The following SEC31A variants were observed in gnomAD, a reference collection of about 807,000 sequenced individuals.
The protein encoded by SEC31A is SEC31 homolog A, COPII component.
SEC31A carries 70 observed loss-of-function variants against 151.0 expected under a neutral mutation model. The ratio of observed to expected loss-of-function variants is 0.46; its 90% CI spans 0.38 to 0.57. SEC31A has a LOEUF of 0.57. SEC31A is among the 20% of genes least tolerant of loss of function. SEC31A has a pLI of 0.00. For synonymous variants in SEC31A, 475 were observed against 505.9 expected (o/e 0.94, Z 0.82); for missense variants, 1,330 against 1,471.2 (o/e 0.90, Z 1.57).
At chr4:82,867,449 GA>G in intron 8 of SEC31A, 133 bp from the exon 9 acceptor site, 1 of 728,768 alleles carries the variant, frequency 1.4e-6, no homozygotes, top group Non-Finnish European at 2.2e-6. Context: ...CTTTAGCCAG[GA>G]AAAAGAATAC....
chr4:82,837,692 A>T (rs147215484), intron 22 of SEC31A, among the ~76,000 whole-genome samples: 39 of 152,326 alleles, frequency 2.6e-4, no homozygotes, highest in African/African-American at 8.9e-4. Flanking sequence ...AATACTATGG[A>T]GTCCTATCCA....
At chr4:82,875,629 A>G (rs912557210) in intron 5 of SEC31A, 98 bp downstream of exon 5, 3 of 678,514 alleles carry the variant, frequency 4.4e-6, no homozygotes, top group Admixed American at 5.8e-5. Flanking sequence ...TTAAACATAT[A>G]TGTTTTGTGT....
At chr4:82,870,896 C>T (rs1349458564) in intron 7 of SEC31A, among the ~76,000 whole-genome samples, 1 of 152,034 alleles carries the variant, frequency 6.6e-6, no homozygotes, top group East Asian at 1.9e-4. Context: ...TACAGACCAC[C>T]CTTCCATGAG....
intron 7 of SEC31A, 60 bp from the exon 8 acceptor site, chr4:82,870,484 A>G (rs1350383024): frequency 1.5e-6 from 2 of 1,307,582 alleles, no homozygotes; most frequent in Non-Finnish European, 2.2e-6. Context: ...AATCTCAACT[A>G]TTTCTGCCTA....
At chr4:82,896,821 A>T (rs1388995486) in intron 3 of SEC31A, among the ~76,000 whole-genome samples, 3 of 152,212 alleles carry the variant, frequency 2.0e-5, no homozygotes, top group Non-Finnish European at 4.4e-5. Flanking sequence ...GGATGGAGTA[A>T]AGGTACAGAT....
intron 3 of SEC31A, chr4:82,898,175 A>G (rs1347703973): frequency 2.0e-5 from 3 of 152,236 alleles, no homozygotes; most frequent in Non-Finnish European, 4.4e-5. Context: ...AATAATCACA[A>G]CGGTTCATTA....
rs1051911090 is a variant in SEC31A, at chr4:82,842,666, T to C, written c.2627-185A>G. On this transcript the variant is annotated intron_variant, in intron 21 of 26. Transcript: ENST00000395310. ...ATGCCCCAAATACACTTGAATTCAA[T>C]AGCTTCAGTATTTGAAAAATGCCAT... The C allele has an allele frequency of 1.6e-4, 84 of 528,118 alleles. 1 individual carries two copies. The South Asian group carries it at 1.9e-3, about 12-fold the overall frequency. 32.7% of individuals were successfully genotyped at this position (528,118 alleles called of 1,614,324 possible). A position where few individuals can be genotyped will look rare whatever the true frequency, so the allele number is the denominator to read the frequency against.
At chr4:82,853,502 T>C (rs1393310041) in intron 18 of SEC31A, 68 bp downstream of exon 18, 1 of 1,306,998 alleles carries the variant, frequency 7.7e-7, no homozygotes, top group Non-Finnish European at 1.0e-6. Context: ...TTATAGATTA[T>C]AACTTGATGA....
intron 7 of SEC31A, chr4:82,871,338 A>ACAC: frequency 6.7e-7 from 1 of 1,503,194 alleles, no homozygotes; most frequent in Non-Finnish European, 8.9e-7. Context: ...ACACACACAC[A>ACAC]AGTAACGTAG....
chr4:82,860,651 T>A (rs143419001), intron 14 of SEC31A, among the ~76,000 whole-genome samples: 2,374 of 151,700 alleles, frequency 0.016, 59 homozygotes, highest in African/African-American at 0.052. Context: ...TTTTTATTTT[T>A]TTTTTTAGAG....
intron 3 of SEC31A, among the ~76,000 whole-genome samples, chr4:82,898,616 AACTGGCAGCAGT>A (rs1720161430): frequency 6.6e-6 from 1 of 152,246 alleles, no homozygotes; most frequent in Admixed American, 6.5e-5. Flanking sequence ...TCAGATGATG[AACTGGCAGCAGT>A]ACTTTCAACT....
intron 1 of SEC31A, among the ~76,000 whole-genome samples, chr4:82,888,399 C>CGTATATAT (rs1560676501): frequency 8.2e-3 from 9 of 1,092 alleles, no homozygotes; most frequent in Non-Finnish European, 0.035. Context: ...TATATATATA[C>CGTATATAT]ACACAGACAC....
At position 82,868,236 on chromosome 4, in the gene SEC31A, C is replaced by T. The variant is rs577012480; in HGVS notation, c.883-920G>A. Reference sequence around the variant, plus strand: ...ACATGAGGCTGGGCATGGTGGTTCACGCCTATAATCCTAGCACTTTGGTAG... The same window carrying T: ...ACATGAGGCTGGGCATGGTGGTTCATGCCTATAATCCTAGCACTTTGGTAG... On this transcript the variant is annotated intron_variant, in intron 8 of 26. Transcript: ENST00000395310. Among the ~76,000 whole-genome samples the T allele has an allele frequency of 2.5e-4, 38 of 152,190 alleles. No individual in the cohort carries two copies. In the East Asian group the frequency reaches 4.4e-3, roughly 18 times the overall value.
chr4:82,888,756 T>C (rs1169773696), intron 1 of SEC31A, among the ~76,000 whole-genome samples: 2 of 152,206 alleles, frequency 1.3e-5, no homozygotes, highest in African/African-American at 4.8e-5. Context: ...ACTCTTTATT[T>C]TTCATGCAAC....
At chr4:82,830,185 G>A (rs1168950070) in intron 22 of SEC31A, among the ~76,000 whole-genome samples, 4 of 152,142 alleles carry the variant, frequency 2.6e-5, no homozygotes, top group South Asian at 2.1e-4. Flanking sequence ...GAATTCAGGC[G>A]AGGCGCAGTG....
Position 82,871,438 on chromosome 4 carries a change from C to T in SEC31A, c.782+506G>A. 3 of 1,474,560 alleles carry T rather than the reference C, an allele frequency of 2.0e-6. No individual in the cohort carries two copies. The South Asian group carries it at 3.6e-5, about 18-fold the overall frequency. 91.3% of individuals were successfully genotyped at this position (1,474,560 alleles called of 1,614,324 possible). ...TTAGGAACTGTGACTTTAAGCAAAA[C>T]AATGGATAACAAAACCAATTTTACC... On this transcript the variant is annotated intron_variant, in intron 7 of 26. Coordinates refer to ENST00000395310, the MANE Select transcript of SEC31A (RefSeq NM_001077207.4).
At chr4:82,859,657 T>C (rs923811892) in intron 14 of SEC31A, among the ~76,000 whole-genome samples, 2 of 152,146 alleles carry the variant, frequency 1.3e-5, no homozygotes, top group African/African-American at 4.8e-5. Context: ...ATAACCCTAA[T>C]TCCCTTTCCC....
At chr4:82,827,781 G>T in intron 23 of SEC31A, 149 bp from the exon 24 acceptor site, 1 of 749,340 alleles carries the variant, frequency 1.3e-6, no homozygotes, top group Non-Finnish European at 2.2e-6. Flanking sequence ...GAAATTTTAT[G>T]CAGAATAAAG....
Position 82,855,153 on chromosome 4 carries a change from G to A in SEC31A, c.1882-124C>T, listed in dbSNP as rs998775721. On this transcript the variant is annotated intron_variant, in intron 16 of 26. Transcript: ENST00000395310. ...CAGCAGCAAAATGAAGTATAATTTT[G>A]AATCAAATGACATAATAATGGTATT... 22 of 748,470 alleles carry A rather than the reference G, an allele frequency of 2.9e-5. No homozygotes were observed. The Middle Eastern group carries it at 1.5e-3, about 50-fold the overall frequency. The allele number at this position is 748,470 out of a possible 1,614,324, so 46.4% of individuals were successfully genotyped here. A position where few individuals can be genotyped will look rare whatever the true frequency, so the allele number is the denominator to read the frequency against.
Sources: gnomAD v4.1 joint callset for allele counts (sites outside exome capture counted in the v4.1 genomes callset) on GRCh38, gnomAD v4.1.1 for gene constraint, MANE v1.5 for transcripts, NCBI Gene and HGNC (gene_info 2026-07-23, HGNC 2026-07-21) for gene names.